THSD7B: variants seen among roughly 807,000 people sequenced by gnomAD.
THSD7B encodes thrombospondin type-1 domain-containing protein 7B.
THSD7B carries 138 observed loss-of-function variants against 213.6 expected under a neutral mutation model. The ratio of observed to expected loss-of-function variants is 0.65; its 90% CI spans 0.56 to 0.74. THSD7B has a LOEUF of 0.74. Among genes scored for constraint, THSD7B ranks in the 30% least tolerant of loss-of-function variants. The pLI, the probability that THSD7B is intolerant of heterozygous loss-of-function variation, is 0.00. For synonymous variants in THSD7B, 742 were observed against 687.0 expected, an observed-to-expected ratio of 1.08 and a Z score of -1.25; for missense variants, 1,931 against 1,991.5, an observed-to-expected ratio of 0.97 and a Z score of 0.58.
At chr2:137,598,339 G>T (rs886288012) in intron 17 of THSD7B, among the ~76,000 whole-genome samples, 29 of 152,228 alleles carry the variant, frequency 1.9e-4, no homozygotes, top group African/African-American at 6.0e-4. Flanking sequence ...AGTAAAAGAT[G>T]ATTTTCTTTT....
intron 3 of THSD7B, among the ~76,000 whole-genome samples, chr2:137,085,803 G>A (rs1444001502): frequency 6.6e-6 from 1 of 152,104 alleles, no homozygotes; most frequent in Admixed American, 6.6e-5. Context: ...AAAATCTCAA[G>A]TGTGGCATAA....
chr2:136,860,523 C>T (rs1683242884), intron 1 of THSD7B, among the ~76,000 whole-genome samples: 2 of 152,200 alleles, frequency 1.3e-5, no homozygotes, highest in African/African-American at 4.8e-5. Flanking sequence ...CTTCCCCTAT[C>T]TGTTAGTAGC....
At chr2:137,210,149 C>G (rs1257741524) in intron 7 of THSD7B, among the ~76,000 whole-genome samples, 1 of 152,090 alleles carries the variant, frequency 6.6e-6, no homozygotes, top group African/African-American at 2.4e-5. Flanking sequence ...GTTCAAGCTA[C>G]TCAGTCTGTG....
At chr2:137,620,821 C>A in intron 20 of THSD7B, 95 bp downstream of exon 20, 1 of 996,228 alleles carries the variant, frequency 1.0e-6, no homozygotes, top group Admixed American at 2.2e-5. Flanking sequence ...GTATGGGACC[C>A]AGCTGAAGTC....
At chr2:137,619,682 C>G (rs953439642) in intron 19 of THSD7B, among the ~76,000 whole-genome samples, 2 of 152,122 alleles carry the variant, frequency 1.3e-5, no homozygotes, top group African/African-American at 4.8e-5. Context: ...ATAAACTATT[C>G]ATTAATAGAA....
chr2:137,365,380 A>C (rs1336265481), intron 12 of THSD7B, among the ~76,000 whole-genome samples: 3 of 152,240 alleles, frequency 2.0e-5, no homozygotes, highest in Admixed American at 6.5e-5. Flanking sequence ...CAAAAGCCAA[A>C]ATTGACAAAT....
At chr2:136,905,447 A>G (rs1684143497) in intron 2 of THSD7B, among the ~76,000 whole-genome samples, 1 of 152,220 alleles carries the variant, frequency 6.6e-6, no homozygotes, top group African/African-American at 2.4e-5. Context: ...GTTTTGTGAG[A>G]AATATTGTTT....
intron 12 of THSD7B, among the ~76,000 whole-genome samples, chr2:137,351,488 A>G (rs1389985302): frequency 1.3e-5 from 2 of 151,970 alleles, no homozygotes; most frequent in African/African-American, 2.4e-5. Context: ...TAGGCAGAGT[A>G]GGTTATCACT....
chr2:136,934,899 TAAGA>T (rs1453573986), intron 2 of THSD7B, among the ~76,000 whole-genome samples: 5 of 152,124 alleles, frequency 3.3e-5, no homozygotes, highest in African/African-American at 7.2e-5. Context: ...TCATTTGTAT[TAAGA>T]TTTTTATCTC....
intron 12 of THSD7B, among the ~76,000 whole-genome samples, chr2:137,310,510 G>T (rs369399501): frequency 6.7e-5 from 10 of 149,428 alleles, no homozygotes; most frequent in Non-Finnish European, 1.0e-4. Context: ...TTAGTTTAAT[G>T]AGATCCCATT....
At chr2:137,079,280 T>C (rs1687694671) in intron 3 of THSD7B, among the ~76,000 whole-genome samples, 1 of 152,314 alleles carries the variant, frequency 6.6e-6, no homozygotes, top group East Asian at 1.9e-4. Context: ...TTTTATAATC[T>C]TTACTATTTT....
chr2:137,555,821 G>A (rs184412281), intron 15 of THSD7B, among the ~76,000 whole-genome samples: 55 of 152,276 alleles, frequency 3.6e-4, no homozygotes, highest in African/African-American at 1.3e-3. Flanking sequence ...TGGCTAGCTA[G>A]AATAACCAAT....
intron 7 of THSD7B, among the ~76,000 whole-genome samples, chr2:137,226,267 A>C (rs892679797): frequency 1.3e-5 from 2 of 151,840 alleles, no homozygotes; most frequent in Non-Finnish European, 2.9e-5. Context: ...CGAGTAAGGT[A>C]GTTTGAAGTT....
chr2:137,562,804 T>G (rs1181857394), intron 15 of THSD7B, among the ~76,000 whole-genome samples: 1 of 152,078 alleles, frequency 6.6e-6, no homozygotes, highest in Admixed American at 6.6e-5. Flanking sequence ...ACTCCTTATA[T>G]TCAAGAATAA....
intron 17 of THSD7B, among the ~76,000 whole-genome samples, chr2:137,583,824 C>G (rs745607923): frequency 6.6e-6 from 1 of 152,252 alleles, no homozygotes; most frequent in East Asian, 1.9e-4. Flanking sequence ...AATGTGGGCT[C>G]TTTTTTGGTT....
chr2:136,831,877 C>A (rs1682762313), intron 1 of THSD7B, among the ~76,000 whole-genome samples: 1 of 152,154 alleles, frequency 6.6e-6, no homozygotes, highest in Non-Finnish European at 1.5e-5. Flanking sequence ...CCAGCGCAGT[C>A]CTTCTGTATG....
At chr2:136,892,052 T>C (rs1189248486) in intron 2 of THSD7B, among the ~76,000 whole-genome samples, 1 of 152,134 alleles carries the variant, frequency 6.6e-6, no homozygotes, top group East Asian at 1.9e-4. Context: ...TCTCTCTGTG[T>C]GGTCTCGCCA....
At chr2:136,901,845 G>A (rs967645196) in intron 2 of THSD7B, among the ~76,000 whole-genome samples, 4 of 152,154 alleles carry the variant, frequency 2.6e-5, no homozygotes, top group East Asian at 1.9e-4. Flanking sequence ...AGGCTTCACC[G>A]TCTCTTATTT....
At chr2:137,657,233 C>A in intron 24 of THSD7B, 73 bp downstream of exon 24, 1 of 1,418,432 alleles carries the variant, frequency 7.1e-7, no homozygotes, top group Non-Finnish European at 9.6e-7. Flanking sequence ...GAAGAATTAG[C>A]TTACAAATTA....
Sources: allele counts gnomAD v4.1 joint callset (sites outside exome capture counted in the v4.1 genomes callset), GRCh38; gene constraint gnomAD v4.1.1; transcripts MANE v1.5; gene names NCBI Gene and HGNC (gene_info 2026-07-23, HGNC 2026-07-21).